The following PTPRD variants were observed in gnomAD, a reference collection of about 807,000 sequenced individuals.
PTPRD encodes the protein protein tyrosine phosphatase receptor type D, also known as receptor-type tyrosine-protein phosphatase delta.
PTPRD carries 34 observed loss-of-function variants against 214.5 expected under a neutral mutation model. The observed-to-expected ratio is 0.16, with a 90% CI of 0.12 to 0.21. The LOEUF (loss-of-function observed/expected upper bound fraction) is 0.21. Among genes scored for constraint, PTPRD ranks in the 10% least tolerant of loss-of-function variants. The pLI is 1.00. For synonymous variants in PTPRD, 1,128 were observed against 845.7 expected, an observed-to-expected ratio of 1.33 and a Z score of -5.79; for missense variants, 2,545 against 2,398.7, an observed-to-expected ratio of 1.06 and a Z score of -1.27.
intron 7 of PTPRD, among the ~76,000 whole-genome samples, chr9:9,605,301 T>C (rs1564004959): frequency 6.6e-6 from 1 of 152,052 alleles, no homozygotes; most frequent in Non-Finnish European, 1.5e-5. Flanking sequence ...ATGTTTAGTA[T>C]ATGTGGTCCA....
At chr9:8,780,012 G>C (rs1210658902) in intron 11 of PTPRD, among the ~76,000 whole-genome samples, 3 of 152,048 alleles carry the variant, frequency 2.0e-5, no homozygotes, top group Non-Finnish European at 4.4e-5. Context: ...CAAAATCCTA[G>C]TGAGGGAAAA....
chr9:8,835,121 G>C (rs2097386566), intron 11 of PTPRD, among the ~76,000 whole-genome samples: 1 of 152,182 alleles, frequency 6.6e-6, no homozygotes. Context: ...CAGAATCAGA[G>C]AGTCAGCAAA....
At chr9:8,749,358 T>G (rs935838731) in intron 11 of PTPRD, among the ~76,000 whole-genome samples, 4 of 152,128 alleles carry the variant, frequency 2.6e-5, no homozygotes, top group African/African-American at 9.7e-5. Flanking sequence ...CAGCTAATTT[T>G]TGTGTTTTTA....
intron 9 of PTPRD, among the ~76,000 whole-genome samples, chr9:9,263,837 C>G (rs2099981218): frequency 6.6e-6 from 1 of 151,558 alleles, no homozygotes; most frequent in South Asian, 2.1e-4. Context: ...GGTTGAAAAA[C>G]TACCTATTAG....
At chr9:8,471,824 G>C (rs1263619342) in intron 30 of PTPRD, among the ~76,000 whole-genome samples, 1 of 152,064 alleles carries the variant, frequency 6.6e-6, no homozygotes, top group Non-Finnish European at 1.5e-5. Context: ...CCACAAATAG[G>C]TATGGGTTAT....
chr9:9,799,044 T>G (rs1347501079), intron 5 of PTPRD, among the ~76,000 whole-genome samples: 1 of 152,190 alleles, frequency 6.6e-6, no homozygotes, highest in Admixed American at 6.5e-5. Context: ...TTCCTGTTAT[T>G]ATTACGGGAA....
intron 5 of PTPRD, among the ~76,000 whole-genome samples, chr9:9,906,323 C>G (rs1411150247): frequency 2.6e-5 from 4 of 151,928 alleles, no homozygotes; most frequent in African/African-American, 7.2e-5. Flanking sequence ...TGATACAGCT[C>G]TAGGTCCCTC....
intron 8 of PTPRD, among the ~76,000 whole-genome samples, chr9:9,402,966 G>GCAAAAAAAA (rs770003250): frequency 1.3e-5 from 1 of 78,588 alleles, no homozygotes; most frequent in Non-Finnish European, 2.3e-5. Context: ...CTAATAGGGA[G>GCAAAAAAAA]AAAAAAAAAA....
chr9:9,274,036 C>T (rs1944003430), intron 9 of PTPRD, among the ~76,000 whole-genome samples: 2 of 151,190 alleles, frequency 1.3e-5, no homozygotes, highest in Non-Finnish European at 3.0e-5. Context: ...AATGAAACTG[C>T]CTCTTTTATG....
intron 10 of PTPRD, among the ~76,000 whole-genome samples, chr9:9,043,284 C>T (rs2154385054): frequency 6.6e-6 from 1 of 152,236 alleles, no homozygotes; most frequent in South Asian, 2.1e-4. Flanking sequence ...CTTATATTAA[C>T]TGTAGGTCAT....
At chr9:10,446,316 T>C (rs180729956) in intron 2 of PTPRD, among the ~76,000 whole-genome samples, 13 of 151,958 alleles carry the variant, frequency 8.6e-5, no homozygotes, top group Middle Eastern at 3.4e-3. Flanking sequence ...TCTGAAACTG[T>C]AGCTCCATGG....
intron 11 of PTPRD, among the ~76,000 whole-genome samples, chr9:8,939,857 A>C (rs1484742472): frequency 1.3e-5 from 2 of 151,628 alleles, no homozygotes; most frequent in Non-Finnish European, 2.9e-5. Context: ...GTTTTCTTAA[A>C]CTCTTTATTT....
chr9:9,017,143 A>T (rs1015102830), intron 11 of PTPRD, among the ~76,000 whole-genome samples: 5 of 152,154 alleles, frequency 3.3e-5, no homozygotes, highest in Non-Finnish European at 2.9e-5. Context: ...TTGCGATGAT[A>T]AATGATTAAT....
At chr9:9,632,131 C>A (rs1293129363) in intron 7 of PTPRD, among the ~76,000 whole-genome samples, 2 of 152,080 alleles carry the variant, frequency 1.3e-5, no homozygotes, top group African/African-American at 2.4e-5. Context: ...TCACAATAGC[C>A]ACAAAGTGGA....
chr9:10,023,929 C>G (rs1325655004), intron 4 of PTPRD, among the ~76,000 whole-genome samples: 1 of 152,078 alleles, frequency 6.6e-6, no homozygotes, highest in Non-Finnish European at 1.5e-5. Context: ...TGAATTACTT[C>G]AAGTACATAT....
Position 8,653,790 on chromosome 9 carries a change from C to A in PTPRD, c.65-16946G>T, listed in dbSNP as rs534231708. The stretch of plus-strand genomic sequence containing the variant: ...ACATGAACTTGATGGCAAGTCACAT[C>A]CTATTCACTGTATACGAATTTCTAA... On this transcript the variant is annotated intron_variant, in intron 12 of 45. Coordinates refer to ENST00000381196, the MANE Select transcript of PTPRD (RefSeq NM_002839.4). Among the ~76,000 whole-genome samples the A allele has an allele frequency of 2.6e-5, 4 of 152,288 alleles. No individual in the cohort carries two copies. In the South Asian group the frequency reaches 8.3e-4, roughly 32 times the overall value.
In PTPRD at chr9:10,043,529, G is replaced by C. The variant is rs565323516; in HGVS notation, c.-544-9739C>G. 1.5e-4 allele frequency among the ~76,000 whole-genome samples: 23 copies of C among 151,884 alleles called. No individual in the cohort carries two copies. The South Asian group carries it at 3.9e-3, about 26-fold the overall frequency. ...TCTATGGGATTCAGAGGTAAATTTG[G>C]AGTTCCTATGAGCCTTCTAAAACTG... On this transcript the variant is annotated intron_variant, in intron 3 of 45. Transcript: ENST00000381196.
chr9:8,375,876 T>G, intron 39 of PTPRD, 60 bp downstream of exon 39: 1 of 1,561,798 alleles, frequency 6.4e-7, no homozygotes, highest in Admixed American at 1.9e-5. Flanking sequence ...TGCAGAAACA[T>G]CCAATGAGAG....
chr9:9,279,283 A>T (rs1946790528), intron 9 of PTPRD, among the ~76,000 whole-genome samples: 1 of 149,110 alleles, frequency 6.7e-6, no homozygotes, highest in South Asian at 2.1e-4. Flanking sequence ...ATATATACAC[A>T]GATGTTATAT....
Sources: allele counts gnomAD v4.1 joint callset (sites outside exome capture counted in the v4.1 genomes callset), GRCh38; gene constraint gnomAD v4.1.1; transcripts MANE v1.5; gene names NCBI Gene and HGNC (gene_info 2026-07-23, HGNC 2026-07-21).